RYR1: variants seen among roughly 807,000 people sequenced by gnomAD.
The protein encoded by RYR1 is central core disease of muscle.
A neutral mutation model predicts 583.5 loss-of-function variants in RYR1; 342 were observed. That is an observed-to-expected ratio of 0.59 (90% CI 0.54 to 0.64). The LOEUF (loss-of-function observed/expected upper bound fraction) is 0.64. RYR1 is among the 30% of genes least tolerant of loss of function. RYR1 has a pLI of 0.00. For missense variants in RYR1, 6,032 were observed against 6,917.2 expected (o/e 0.87, Z 4.54); for synonymous variants, 2,791 against 2,822.5 (o/e 0.99, Z 0.35).
chr19:38,486,991 A>C (rs1161442700), intron 34 of RYR1, among the ~76,000 whole-genome samples: 1 of 152,084 alleles, frequency 6.6e-6, no homozygotes, highest in African/African-American at 2.4e-5. Flanking sequence ...CCATCTTTTC[A>C]TTCATTCATA....
chr19:38,465,777 A>G (rs1368616357), intron 23 of RYR1, among the ~76,000 whole-genome samples: 1 of 152,048 alleles, frequency 6.6e-6, no homozygotes, highest in East Asian at 1.9e-4. Flanking sequence ...AAAAAAAACA[A>G]AGAGAGAGAA....
At position 38,587,432 on chromosome 19, in the gene RYR1, C is replaced by T; in HGVS notation, c.*12C>T. The T allele has an allele frequency of 6.2e-7, 1 of 1,606,620 alleles. No homozygotes were observed. Among genetic ancestry groups the T allele is most frequent in the Non-Finnish European group, 8.5e-7 (1 of 1,173,366 alleles). On this transcript the variant is annotated 3_prime_UTR_variant, in exon 106 of 106. Coordinates refer to ENST00000359596, the MANE Select transcript of RYR1 (RefSeq NM_000540.3). ...ACCAGCTTAGCTGACACACCCCCAGCTGGCCCTCCACCCCCACCTCAAGTG... is the reference window on the plus strand; with the variant it reads ...ACCAGCTTAGCTGACACACCCCCAGTTGGCCCTCCACCCCCACCTCAAGTG...
chr19:38,457,705 G>A (rs538280859), intron 17 of RYR1, 75 bp downstream of exon 17: 2 of 1,480,948 alleles, frequency 1.4e-6, no homozygotes, highest in East Asian at 4.5e-5. Context: ...TCCACACCCA[G>A]ATGGATGTCC....
chr19:38,555,272 G>A (rs562935363), intron 89 of RYR1, among the ~76,000 whole-genome samples: 15 of 152,016 alleles, frequency 9.9e-5, no homozygotes, highest in East Asian at 5.8e-4. Flanking sequence ...GCAACATGGC[G>A]AAACCCTGTC....
chr19:38,467,885 C>A, intron 25 of RYR1, 73 bp downstream of exon 25: 1 of 1,458,978 alleles, frequency 6.9e-7, no homozygotes, highest in Non-Finnish European at 9.4e-7. Context: ...CTGGCCCTGC[C>A]TCTGTCTGTG....
intron 42 of RYR1, among the ~76,000 whole-genome samples, chr19:38,498,505 A>G (rs1233902481): frequency 1.3e-5 from 2 of 152,196 alleles, no homozygotes; most frequent in East Asian, 3.8e-4. Flanking sequence ...AACTCCATAG[A>G]GTAAAGTGAA....
intron 104 of RYR1, 80 bp downstream of exon 104, chr19:38,586,271 A>G: frequency 1.5e-6 from 2 of 1,344,536 alleles, no homozygotes; most frequent in Non-Finnish European, 2.1e-6. Flanking sequence ...AGCTTTGGCC[A>G]GTTAGGAAAG....
rs745691492 is a variant in RYR1, at chr19:38,580,142, C to CAGG, written c.14511+14_14511+15insAGG. ...AATGGGAAACAGGTGTGGGGAGGAC[C>CAGG]TGGCTGTGGGGCGTGGGCCAGCAGG... is the stretch of plus-strand genomic sequence containing the variant. On this transcript the variant is annotated intron_variant, in intron 100 of 105. Transcript: ENST00000359596. 2 of 1,614,116 alleles carry CAGG rather than the reference C, an allele frequency of 1.2e-6. No homozygotes were observed. The highest frequency in any genetic ancestry group is 1.7e-6 in the Non-Finnish European group (2 of 1,180,022).
chr19:38,496,123 A>G lies in RYR1; in HGVS notation c.6549-92A>G. The stretch of plus-strand genomic sequence containing the variant: ...GCGGTGGTGCTAGGCACAGAGTGAG[A>G]GGGTCAAGAATGCCAACGCTGTCAC... On this transcript the variant is annotated intron_variant, in intron 39 of 105. Coordinates refer to ENST00000359596, the MANE Select transcript of RYR1 (RefSeq NM_000540.3). The surrounding 1 kb of genome is among the most constrained non-coding windows in gnomAD (Gnocchi z 4.8). 3.9e-6 allele frequency: 4 copies of G among 1,017,470 alleles called. No individual in the cohort carries two copies. Among genetic ancestry groups the G allele is most frequent in the Non-Finnish European group, 6.1e-6 (4 of 651,350 alleles). 63.0% of individuals were successfully genotyped at this position (1,017,470 alleles called of 1,614,324 possible). A position where few individuals can be genotyped will look rare whatever the true frequency, so the allele number is the denominator to read the frequency against.
intron 96 of RYR1, among the ~76,000 whole-genome samples, chr19:38,574,918 T>TA (rs1158774607): frequency 6.6e-6 from 1 of 151,574 alleles, no homozygotes; most frequent in Non-Finnish European, 1.5e-5. Flanking sequence ...TGGGTGCCTG[T>TA]AGTCACAGCT....
chr19:38,469,346 C>A lies in RYR1; in HGVS notation c.3598C>A (p.His1200Asn). The change falls in exon 27 of 106, where the codon CAT becomes AAT. Residue 1200 changes from histidine to asparagine, a missense_variant. Physicochemically the swap from His to Asn is moderately conservative, Grantham distance 68. Transcript: ENST00000359596. Reference protein sequence around the residue: ...VCSLGPGQVGHLNLGQDVSSL... With the variant: ...VCSLGPGQVGNLNLGQDVSSL... ...CAGCTTGGGACCTGGCCAGGTGGGT[C>A]ATCTGAACCTGGGCCAGGACGTGAG... 6.2e-7 allele frequency: 1 copy of A among 1,614,052 alleles called. No homozygotes were observed.
chr19:38,585,044 C>A lies in RYR1; in HGVS notation c.14748C>A (p.Val4916=), dbSNP rs1414388728. The A allele has an allele frequency of 6.2e-7, 1 of 1,614,076 alleles. No individual in the cohort carries two copies. The highest frequency in any genetic ancestry group is 8.5e-7 in the Non-Finnish European group (1 of 1,180,016). Residue 4916 remains valine (V), a synonymous_variant, in exon 102 of 106, where the codon GTC becomes GTA. Transcript: ENST00000359596. ...AGDEYELYRV[V]FDITFFFFVI... is the part of the protein sequence containing the mutation. ...ACGAATACGAGCTCTACAGGGTGGT[C>A]TTCGACATCACCTTCTTCTTCTTCG...
chr19:38,492,705 G>T, intron 38 of RYR1, 69 bp downstream of exon 38: 1 of 1,515,314 alleles, frequency 6.6e-7, no homozygotes, highest in East Asian at 2.4e-5. Context: ...GGAGCCTCTG[G>T]GTCCCAAAGA....
intron 1 of RYR1, among the ~76,000 whole-genome samples, chr19:38,436,781 C>G (rs1268628751): frequency 6.6e-6 from 1 of 152,088 alleles, no homozygotes; most frequent in Non-Finnish European, 1.5e-5. Context: ...CTGTGATTTT[C>G]TATTCTTGCT....
At chr19:38,475,780 A>G (rs1297262480) in intron 29 of RYR1, among the ~76,000 whole-genome samples, 2 of 152,204 alleles carry the variant, frequency 1.3e-5, no homozygotes, top group Non-Finnish European at 2.9e-5. Context: ...CAATACCCTC[A>G]ATGTAATACC....
intron 52 of RYR1, 94 bp from the exon 53 acceptor site, chr19:38,505,215 C>T: frequency 2.6e-6 from 3 of 1,163,274 alleles, no homozygotes; most frequent in Non-Finnish European, 2.5e-6. Flanking sequence ...GTTCTGGGAC[C>T]CCCCCAGGAT....
Position 38,543,537 on chromosome 19 carries a change from C to T in RYR1, c.11784C>T (p.Ser3928=), listed in dbSNP as rs1972294267. Residue 3928 remains serine (S), a synonymous_variant, in exon 86 of 106, where the codon TCC becomes TCT. Coordinates refer to ENST00000359596, the MANE Select transcript of RYR1 (RefSeq NM_000540.3). This position sits in a 1 kb window ranked among gnomAD's most constrained non-coding sequence, Gnocchi z 4.4. ...ACCCTACCCGCCCCCACCAGGAATC[C>T]ATCAGCGACTTCTACTGGTACTACT... ...TVDYLLRLQE[S]ISDFYWYYSG... is the part of the protein sequence containing the mutation. 1.2e-6 allele frequency: 2 copies of T among 1,614,218 alleles called. No individual in the cohort carries two copies. The highest frequency in any genetic ancestry group is 1.7e-6 in the Non-Finnish European group (2 of 1,180,026).
chr19:38,571,998 G>T, intron 94 of RYR1, 21 bp from the exon 95 acceptor site: 1 of 1,613,708 alleles, frequency 6.2e-7, no homozygotes, highest in Non-Finnish European at 8.5e-7. Flanking sequence ...ACCCACAGAT[G>T]AATCTCTGTC....
chr19:38,446,690 C>T lies in RYR1; in HGVS notation c.726-4C>T. On this transcript the variant is annotated splice_polypyrimidine_tract_variant and splice_region_variant and intron_variant, in intron 8 of 105. Transcript: ENST00000359596. ...CTTGACTTCACTCTCTTCTGTGTCCCCAGACTTGTCTACTATGAGGGGGGA... is the reference window on the plus strand; with the variant it reads ...CTTGACTTCACTCTCTTCTGTGTCCTCAGACTTGTCTACTATGAGGGGGGA... 6.2e-7 allele frequency: 1 copy of T among 1,613,856 alleles called. No individual in the cohort carries two copies. Among genetic ancestry groups the T allele is most frequent in the Admixed American group, 1.7e-5 (1 of 60,020 alleles).
Sources: allele counts gnomAD v4.1 joint callset (sites outside exome capture counted in the v4.1 genomes callset), GRCh38; gene constraint gnomAD v4.1.1; non-coding constraint Gnocchi (gnomAD v3.1); transcripts MANE v1.5; gene names NCBI Gene and HGNC (gene_info 2026-07-23, HGNC 2026-07-21).